The following KDM2A variants were observed in gnomAD, a reference collection of about 807,000 sequenced individuals.
The protein encoded by KDM2A is lysine-specific demethylase 2A.
A neutral mutation model predicts 137.3 loss-of-function variants in KDM2A; 3 were observed. The ratio of observed to expected loss-of-function variants is 0.02; its 90% CI spans 0.01 to 0.06. The LOEUF (loss-of-function observed/expected upper bound fraction) is 0.06, where lower values mean the gene tolerates loss of function less well. Ranked by LOEUF, KDM2A falls within the 10% of genes least tolerant of loss-of-function variation. KDM2A has a pLI of 1.00. For synonymous variants in KDM2A, 512 were observed against 541.5 expected (o/e 0.95, Z 0.76); for missense variants, 738 against 1,510.6 (o/e 0.49, Z 8.48).
chr11:67,171,268 C>T (rs1856877233), intron 2 of KDM2A, among the ~76,000 whole-genome samples: 1 of 152,178 alleles, frequency 6.6e-6, no homozygotes, highest in African/African-American at 2.4e-5. Context: ...AGGTCTCCCT[C>T]AGTGTTCCTA....
rs542615003 is a variant in KDM2A, at chr11:67,245,083, C to T, written c.1564-106C>T. The T allele has an allele frequency of 1.0e-5, 13 of 1,269,298 alleles. No individual in the cohort carries two copies. In the African/African-American group the frequency reaches 1.5e-4, roughly 14 times the overall value. The allele number at this position is 1,269,298 out of a possible 1,614,324, so 78.6% of individuals were successfully genotyped here. A position where few individuals can be genotyped will look rare whatever the true frequency, so the allele number is the denominator to read the frequency against. On this transcript the variant is annotated intron_variant, in intron 13 of 20. Coordinates refer to ENST00000529006, the MANE Select transcript of KDM2A (RefSeq NM_012308.3). The surrounding 1 kb of genome is among the most constrained non-coding windows in gnomAD (Gnocchi z 4.1). ...AGAAACAAGCAGTGGGCAGATCTGG[C>T]CATAGTGGGCCAAGCCCCAGGCTAG... is the stretch of plus-strand genomic sequence containing the variant.
chr11:67,217,861 G>A lies in KDM2A; in HGVS notation c.818G>A (p.Gly273Asp). 1 of 1,611,378 alleles carries A rather than the reference G, an allele frequency of 6.2e-7. No homozygotes were observed. Among genetic ancestry groups the A allele is most frequent in the South Asian group, 1.1e-5 (1 of 90,582 alleles). Residue 273 changes from glycine (G) to aspartate (D), a missense_variant, in exon 9 of 21, where the codon GGC becomes GAC. This residue lies in a region of KDM2A where 43 missense variants were observed against 254.6 expected (regional missense o/e 0.17). Coordinates refer to ENST00000529006, the MANE Select transcript of KDM2A (RefSeq NM_012308.3). The part of the protein sequence containing the change: ...SDCQRIELKQ[G>D]YTFVIPSGWI... ...TGTCAGCGCATTGAGCTCAAGCAGGGCTATACCTTCGTCATTCCCTCAGGT... is the reference window on the plus strand; with the variant it reads ...TGTCAGCGCATTGAGCTCAAGCAGGACTATACCTTCGTCATTCCCTCAGGT...
intron 12 of KDM2A, among the ~76,000 whole-genome samples, chr11:67,236,414 G>A (rs1858874251): frequency 6.6e-6 from 1 of 152,166 alleles, no homozygotes; most frequent in South Asian, 2.1e-4. Flanking sequence ...ATAGGCATGA[G>A]CCACCACGCC....
At chr11:67,217,240 C>CAAAA (rs544615414) in intron 8 of KDM2A, among the ~76,000 whole-genome samples, 4 of 50,498 alleles carry the variant, frequency 7.9e-5, no homozygotes, top group Non-Finnish European at 1.3e-4. Context: ...GAAACTCTGT[C>CAAAA]AAAAAAAAAA....
rs1387748959 is a variant in KDM2A at position 67,252,533 on chromosome 11, G to T, written c.2769-161G>T. On this transcript the variant is annotated intron_variant, in intron 17 of 20. Coordinates refer to ENST00000529006, the MANE Select transcript of KDM2A (RefSeq NM_012308.3). ...GTTGTAGAGTTCAAGGCAATTTTTT[G>T]CCTATTCTGTGAGGCAAAAAATGAT... The T allele has an allele frequency of 6.7e-6, 5 of 743,620 alleles. No homozygotes were observed. In the Admixed American group the frequency reaches 1.2e-4, roughly 17 times the overall value. The allele number at this position is 743,620 out of a possible 1,614,324, so 46.1% of individuals were successfully genotyped here.
chr11:67,152,972 T>A (rs1018135960), intron 2 of KDM2A, among the ~76,000 whole-genome samples: 2 of 150,514 alleles, frequency 1.3e-5, no homozygotes, highest in African/African-American at 4.9e-5. Context: ...ATTCCTCTTA[T>A]AGTGTTCATG....
At chr11:67,174,538 T>TC (rs1181034308) in intron 2 of KDM2A, among the ~76,000 whole-genome samples, 1 of 152,176 alleles carries the variant, frequency 6.6e-6, no homozygotes, top group Non-Finnish European at 1.5e-5. Context: ...TAGTGTTGCT[T>TC]CCTCATATTT....
chr11:67,247,079 T>A (rs1327341354), intron 15 of KDM2A, among the ~76,000 whole-genome samples: 14 of 79,374 alleles, frequency 1.8e-4, no homozygotes, highest in African/African-American at 5.1e-4. Context: ...ATATTTTTTT[T>A]TTTTTTTTTT....
intron 2 of KDM2A, among the ~76,000 whole-genome samples, chr11:67,157,170 G>A (rs930803904): frequency 2.6e-5 from 4 of 151,300 alleles, no homozygotes; most frequent in Admixed American, 1.3e-4. Flanking sequence ...AAAATTAGCC[G>A]GGTGTGGTGG....
Position 67,191,787 on chromosome 11 carries a change from G to A in KDM2A, c.307+9895G>A, listed in dbSNP as rs564941853. ...TTAAGATCAGGAACAGCGTAAAGGC[G>A]CCTGCTTTTACTGCCTCTATTCAAT... On this transcript the variant is annotated intron_variant, in intron 5 of 20. Transcript: ENST00000529006. Among the ~76,000 whole-genome samples, 10 of 152,266 alleles carry A rather than the reference G, an allele frequency of 6.6e-5. No individual in the cohort carries two copies. The South Asian group carries it at 1.9e-3, about 28-fold the overall frequency.
intron 2 of KDM2A, among the ~76,000 whole-genome samples, chr11:67,168,661 A>G (rs932350103): frequency 6.8e-5 from 10 of 147,232 alleles, no homozygotes; most frequent in African/African-American, 2.0e-4. Context: ...ACACACACAC[A>G]CACGGTCGGG....
intron 2 of KDM2A, among the ~76,000 whole-genome samples, chr11:67,126,888 G>T (rs551460025): frequency 6.6e-6 from 1 of 152,140 alleles, no homozygotes; most frequent in East Asian, 1.9e-4. Flanking sequence ...GAAATGACAA[G>T]GGTGGATAAA....
intron 2 of KDM2A, among the ~76,000 whole-genome samples, chr11:67,126,212 C>G (rs368340466): frequency 1.3e-5 from 2 of 150,308 alleles, no homozygotes; most frequent in Admixed American, 1.3e-4. Flanking sequence ...TGCCGTTGCA[C>G]TCCAGCCTGG....
At chr11:67,164,449 T>C (rs1856697637) in intron 2 of KDM2A, among the ~76,000 whole-genome samples, 1 of 152,280 alleles carries the variant, frequency 6.6e-6, no homozygotes, top group Non-Finnish European at 1.5e-5. Context: ...TAACTGTTCA[T>C]TAAGTGTTGA....
chr11:67,165,882 G>A (rs544769848), intron 2 of KDM2A, among the ~76,000 whole-genome samples: 1 of 152,198 alleles, frequency 6.6e-6, no homozygotes, highest in East Asian at 1.9e-4. Flanking sequence ...TCAACTTTTA[G>A]GGGTTTTTTC....
chr11:67,204,695 G>A (rs1010529930), intron 5 of KDM2A, among the ~76,000 whole-genome samples: 1 of 151,922 alleles, frequency 6.6e-6, no homozygotes, highest in Non-Finnish European at 1.5e-5. Flanking sequence ...GTTTCACCGT[G>A]ATAGCCAGGA....
At chr11:67,194,167 A>AT (rs2136355462) in intron 5 of KDM2A, among the ~76,000 whole-genome samples, 1 of 152,306 alleles carries the variant, frequency 6.6e-6, no homozygotes, top group Admixed American at 6.5e-5. Context: ...GTATTAGTTT[A>AT]AAATGTTCCA....
chr11:67,159,839 A>G (rs1428503019), intron 2 of KDM2A, among the ~76,000 whole-genome samples: 2 of 152,174 alleles, frequency 1.3e-5, no homozygotes, highest in Non-Finnish European at 2.9e-5. Context: ...GCAGTTTAGG[A>G]TATGTTCATA....
chr11:67,181,820 T>C, intron 4 of KDM2A, 26 bp from the exon 5 acceptor site: 1 of 1,608,760 alleles, frequency 6.2e-7, no homozygotes, highest in Non-Finnish European at 8.5e-7. Flanking sequence ...GTTTTCCATA[T>C]ATACTTACTG....
Sources: allele counts gnomAD v4.1 joint callset (sites outside exome capture counted in the v4.1 genomes callset), GRCh38; gene constraint gnomAD v4.1.1; regional missense constraint gnomAD v4.1.1; non-coding constraint Gnocchi (gnomAD v3.1); transcripts MANE v1.5; gene names NCBI Gene and HGNC (gene_info 2026-07-23, HGNC 2026-07-21).